The following KIF21A variants were observed in gnomAD, a reference collection of about 807,000 sequenced individuals.
KIF21A encodes kinesin-like protein KIF21A.
Under a neutral mutation model 202.9 loss-of-function variants are expected in KIF21A, and 114 were observed. The observed-to-expected ratio is 0.56, with a 90% CI of 0.48 to 0.66. The LOEUF (loss-of-function observed/expected upper bound fraction) is 0.66. KIF21A is among the 30% of genes least tolerant of loss of function. The pLI is 0.00. For missense variants in KIF21A, 1,677 were observed against 1,994.9 expected (o/e 0.84, Z 3.04); for synonymous variants, 667 against 670.8 (o/e 0.99, Z 0.09).
At chr12:39,305,361 G>A (rs1400499345) in intron 34 of KIF21A, among the ~76,000 whole-genome samples, 3 of 117,328 alleles carry the variant, frequency 2.6e-5, no homozygotes, top group African/African-American at 3.6e-5. Context: ...GCGAGAATCC[G>A]ACTCAAGAAA....
chr12:39,295,743 G>A (rs866032208), intron 37 of KIF21A, among the ~76,000 whole-genome samples: 1 of 131,306 alleles, frequency 7.6e-6, no homozygotes, highest in Admixed American at 9.4e-5. Flanking sequence ...TCTGTTGCCA[G>A]GCTGGAATGC....
At chr12:39,324,661 C>A (rs189889293) in intron 26 of KIF21A, among the ~76,000 whole-genome samples, 1 of 152,142 alleles carries the variant, frequency 6.6e-6, no homozygotes, top group Non-Finnish European at 1.5e-5. Flanking sequence ...GATCTGGTAG[C>A]CTTAGGCCCA....
chr12:39,365,752 G>A (rs1238221766), intron 6 of KIF21A, among the ~76,000 whole-genome samples: 1 of 152,228 alleles, frequency 6.6e-6, no homozygotes, highest in Non-Finnish European at 1.5e-5. Flanking sequence ...GCTCGCGCCT[G>A]TAATCCCAGC....
chr12:39,335,843 G>GA (rs1465556891), intron 17 of KIF21A, among the ~76,000 whole-genome samples: 6 of 152,178 alleles, frequency 3.9e-5, no homozygotes, highest in African/African-American at 1.4e-4. Flanking sequence ...CATTGTAGGA[G>GA]AAAAAAAGAA....
At chr12:39,307,422 A>T in intron 34 of KIF21A, 143 bp downstream of exon 34, 1 of 674,228 alleles carries the variant, frequency 1.5e-6, no homozygotes, top group Non-Finnish European at 2.5e-6. Context: ...AGACATTTAG[A>T]GGTACTATGC....
In KIF21A at chr12:39,414,051, T is replaced by C. The variant is rs145945568; in HGVS notation, c.44+28876A>G. Among the ~76,000 whole-genome samples the C allele has an allele frequency of 4.4e-3, 673 of 152,348 alleles. 1 individual carries two copies. Among genetic ancestry groups the C allele is most frequent in the Middle Eastern group, 0.01 (3 of 294 alleles). On this transcript the variant is annotated intron_variant, in intron 1 of 37. Transcript: ENST00000361418. Reference sequence around the variant, plus strand: ...ATGAACATAAACATATGTTTCAGTTTCACAAAGGGTTCAGATGTACTCTAG... The same window carrying C: ...ATGAACATAAACATATGTTTCAGTTCCACAAAGGGTTCAGATGTACTCTAG...
chr12:39,320,134 G>A, intron 27 of KIF21A, 121 bp from the exon 28 acceptor site: 1 of 632,398 alleles, frequency 1.6e-6, no homozygotes, highest in Non-Finnish European at 2.8e-6. Flanking sequence ...ATTATTACTT[G>A]AGAACAAAAA....
At chr12:39,325,799 G>C (rs773396849) in intron 26 of KIF21A, 40 bp downstream of exon 26, 32 of 1,378,018 alleles carry the variant, frequency 2.3e-5, no homozygotes, top group Non-Finnish European at 3.3e-5. Context: ...ACAAATAATG[G>C]TGTAAAACAT....
chr12:39,309,904 T>G, intron 32 of KIF21A, 138 bp from the exon 33 acceptor site: 29 of 728,840 alleles, frequency 4.0e-5, no homozygotes, highest in Non-Finnish European at 5.0e-5. Flanking sequence ...ACAAGGATCC[T>G]AACTTCATCC....
chr12:39,363,303 A>G lies in KIF21A; in HGVS notation c.904-90T>C, dbSNP rs187418835. On this transcript the variant is annotated intron_variant, in intron 6 of 37. Coordinates refer to ENST00000361418, the MANE Select transcript of KIF21A (RefSeq NM_001173464.2). Reference sequence around the variant, plus strand: ...AAAGAAAGTTTACAGAGAATAATATAGAGACATAATATAATTAAGAATATT... The same window carrying G: ...AAAGAAAGTTTACAGAGAATAATATGGAGACATAATATAATTAAGAATATT... 5.9e-4 allele frequency: 438 copies of G among 743,622 alleles called. 1 individual carries two copies. Among genetic ancestry groups the G allele is most frequent in the Non-Finnish European group, 7.5e-4 (324 of 432,986 alleles). The allele number at this position is 743,622 out of a possible 1,614,324, so 46.1% of individuals were successfully genotyped here. A position where few individuals can be genotyped will look rare whatever the true frequency, so the allele number is the denominator to read the frequency against.
At chr12:39,361,196 A>G (rs978809806) in intron 7 of KIF21A, among the ~76,000 whole-genome samples, 1 of 152,242 alleles carries the variant, frequency 6.6e-6, no homozygotes, top group Non-Finnish European at 1.5e-5. Flanking sequence ...AAGAGTTAAA[A>G]TAGTAAGGGG....
chr12:39,409,990 C>T lies in KIF21A; in HGVS notation c.44+32937G>A, dbSNP rs1026656551. On this transcript the variant is annotated intron_variant, in intron 1 of 37. Transcript: ENST00000361418. ...GGGATTACAGGCACTCACCATCATG[C>T]CCGGCTAATTTTTGTATTTTTATAC... 3.3e-5 allele frequency among the ~76,000 whole-genome samples: 5 copies of T among 152,122 alleles called. No homozygotes were observed. In the East Asian group the frequency reaches 5.8e-4, roughly 18 times the overall value.
intron 1 of KIF21A, among the ~76,000 whole-genome samples, chr12:39,416,479 C>A (rs894101918): frequency 6.6e-6 from 1 of 151,498 alleles, no homozygotes; most frequent in Non-Finnish European, 1.5e-5. Context: ...GACTGTAATC[C>A]CAGCTACTCA....
chr12:39,354,801 G>A lies in KIF21A; in HGVS notation c.1469+2031C>T, dbSNP rs193101667. 3.3e-5 allele frequency among the ~76,000 whole-genome samples: 5 copies of A among 152,226 alleles called. No individual in the cohort carries two copies. The East Asian group carries it at 9.6e-4, about 29-fold the overall frequency. ...TATTCGTAACACTTTATACCTTTAT[G>A]ATACCTTTATATTTAAGAACGTATA... On this transcript the variant is annotated intron_variant, in intron 10 of 37. Transcript: ENST00000361418.
At chr12:39,375,721 C>T (rs909284372) in intron 1 of KIF21A, among the ~76,000 whole-genome samples, 6 of 152,072 alleles carry the variant, frequency 3.9e-5, no homozygotes, top group Non-Finnish European at 7.4e-5. Flanking sequence ...TGTCTTCTGT[C>T]ACTATTTATG....
At chr12:39,429,060 G>C (rs1273936898) in intron 1 of KIF21A, among the ~76,000 whole-genome samples, 1 of 152,100 alleles carries the variant, frequency 6.6e-6, no homozygotes, top group African/African-American at 2.4e-5. Flanking sequence ...CAATTATGGG[G>C]TCTTAGTAAA....
chr12:39,389,188 A>ACT lies in KIF21A; in HGVS notation c.45-18928_45-18927insAG, dbSNP rs113109194. 2.6e-3 allele frequency among the ~76,000 whole-genome samples: 401 copies of ACT among 151,692 alleles called. 3 individuals carry two copies. The highest frequency in any genetic ancestry group is 8.9e-3 in the African/African-American group (367 of 41,252). ...ATTCAGTAAATACACATACACACACACACACACACACACACACACACACAT... is the reference window on the plus strand; with the variant it reads ...ATTCAGTAAATACACATACACACACACTCACACACACACACACACACACACAT... On this transcript the variant is annotated intron_variant, in intron 1 of 37. Coordinates refer to ENST00000361418, the MANE Select transcript of KIF21A (RefSeq NM_001173464.2).
chr12:39,380,623 A>G (rs1009218763), intron 1 of KIF21A, among the ~76,000 whole-genome samples: 3 of 152,268 alleles, frequency 2.0e-5, no homozygotes, highest in African/African-American at 7.2e-5. Flanking sequence ...CAGGAGGCTG[A>G]AGAGGAGAGG....
At chr12:39,407,366 A>G (rs1952677853) in intron 1 of KIF21A, among the ~76,000 whole-genome samples, 1 of 152,192 alleles carries the variant, frequency 6.6e-6, no homozygotes, top group Non-Finnish European at 1.5e-5. Flanking sequence ...ACAATCTCAA[A>G]ACAATGGCTT....
Sources: allele counts gnomAD v4.1 joint callset (sites outside exome capture counted in the v4.1 genomes callset), GRCh38; gene constraint gnomAD v4.1.1; transcripts MANE v1.5; gene names NCBI Gene and HGNC (gene_info 2026-07-23, HGNC 2026-07-21).